The following VAV1 variants were observed in gnomAD, a reference collection of about 807,000 sequenced individuals.
VAV1 encodes vav guanine nucleotide exchange factor 1.
A neutral mutation model predicts 128.1 loss-of-function variants in VAV1; 33 were observed. That is an observed-to-expected ratio of 0.26 (90% CI 0.20 to 0.34). The LOEUF (loss-of-function observed/expected upper bound fraction) is 0.34, where lower values mean the gene tolerates loss of function less well. Among genes scored for constraint, VAV1 ranks in the 10% least tolerant of loss-of-function variants. The pLI is 1.00. For synonymous variants in VAV1, 394 were observed against 409.8 expected (o/e 0.96, Z 0.47); for missense variants, 715 against 1,093.7 (o/e 0.65, Z 4.88).
intron 19 of VAV1, among the ~76,000 whole-genome samples, chr19:6,834,897 G>A (rs544477173): frequency 1.1e-3 from 169 of 151,118 alleles, no homozygotes; most frequent in Non-Finnish European, 1.5e-3. Context: ...TGAGACAAGC[G>A]TGGGCAACAG....
chr19:6,843,844 A>G (rs1169853805), intron 22 of VAV1, among the ~76,000 whole-genome samples: 1 of 151,766 alleles, frequency 6.6e-6, no homozygotes, highest in Non-Finnish European at 1.5e-5. Flanking sequence ...AACATCTCTG[A>G]CATTGAAATA....
At chr19:6,827,763 A>ATTT (rs11390834) in intron 9 of VAV1, among the ~76,000 whole-genome samples, 243 of 145,496 alleles carry the variant, frequency 1.7e-3, no homozygotes, top group Middle Eastern at 3.5e-3. Context: ...CACGCCAGCT[A>ATTT]TTTTTTTTTT....
intron 1 of VAV1, among the ~76,000 whole-genome samples, chr19:6,792,505 G>T (rs528482441): frequency 4.6e-5 from 7 of 152,124 alleles, no homozygotes; most frequent in Admixed American, 1.3e-4. Context: ...GTCTTGGGGA[G>T]TTTGATCAAG....
chr19:6,808,501 T>G (rs976604470), intron 1 of VAV1, among the ~76,000 whole-genome samples: 1 of 152,206 alleles, frequency 6.6e-6, no homozygotes, highest in African/African-American at 2.4e-5. Flanking sequence ...AATCTGAGCT[T>G]AATCAGTCCA....
At chr19:6,786,194 A>G (rs1970888944) in intron 1 of VAV1, among the ~76,000 whole-genome samples, 1 of 142,834 alleles carries the variant, frequency 7.0e-6, no homozygotes, top group Admixed American at 6.8e-5. Context: ...CCTGGCACAT[A>G]GTACGGAATC....
intron 13 of VAV1, 110 bp downstream of exon 13, chr19:6,829,010 A>G (rs1971987596): frequency 1.5e-6 from 2 of 1,316,076 alleles, no homozygotes; most frequent in African/African-American, 1.5e-5. Flanking sequence ...GAGCCTGGGC[A>G]GGGGCGGGGC....
At chr19:6,773,489 C>T (rs1165512914) in intron 1 of VAV1, among the ~76,000 whole-genome samples, 1 of 152,194 alleles carries the variant, frequency 6.6e-6, no homozygotes, top group Non-Finnish European at 1.5e-5. Flanking sequence ...CCCCTTCCTT[C>T]CCCTTACATC....
chr19:6,855,248 A>G (rs773778887), intron 26 of VAV1, among the ~76,000 whole-genome samples: 1 of 152,246 alleles, frequency 6.6e-6, no homozygotes, highest in Non-Finnish European at 1.5e-5. Flanking sequence ...ACAAAAAATG[A>G]TGTGGATAAT....
chr19:6,828,452 AAGG>A lies in VAV1; in HGVS notation c.1060_1062del (p.Glu354del). The A allele has an allele frequency of 6.2e-7, 1 of 1,614,086 alleles. No homozygotes were observed. Reference sequence around the variant, plus strand: ...GAAACACACGCAGGAGGCGATGGAGAAGGAGAACCTGCGGCTGGCCCTGGATGC... The same window carrying A: ...GAAACACACGCAGGAGGCGATGGAGAAGAACCTGCGGCTGGCCCTGGATGC... On this transcript the variant is annotated inframe_deletion, in exon 11 of 27. Coordinates refer to ENST00000602142, the MANE Select transcript of VAV1 (RefSeq NM_005428.4). The surrounding 1 kb of genome is among the most constrained non-coding windows in gnomAD (Gnocchi z 4.5).
At chr19:6,815,141 T>C (rs759533154) in intron 1 of VAV1, among the ~76,000 whole-genome samples, 2 of 152,030 alleles carry the variant, frequency 1.3e-5, no homozygotes, top group South Asian at 2.1e-4. Flanking sequence ...TTGCTTCTTC[T>C]TTTATTTATT....
intron 24 of VAV1, among the ~76,000 whole-genome samples, chr19:6,852,161 G>A (rs1196473475): frequency 6.6e-6 from 1 of 152,140 alleles, no homozygotes; most frequent in East Asian, 1.9e-4. Flanking sequence ...CTACAGGCAT[G>A]CACTGTCATG....
chr19:6,802,083 A>ATC (rs1971286727), intron 1 of VAV1, among the ~76,000 whole-genome samples: 1 of 151,836 alleles, frequency 6.6e-6, no homozygotes, highest in Non-Finnish European at 1.5e-5. Context: ...AGCAAACTAT[A>ATC]GCAAGGACAA....
chr19:6,833,586 T>C lies in VAV1; in HGVS notation c.1669T>C (p.Cys557Arg). The C allele has an allele frequency of 6.2e-7, 1 of 1,613,108 alleles. No homozygotes were observed. Among genetic ancestry groups the C allele is most frequent in the Non-Finnish European group, 8.5e-7 (1 of 1,179,504 alleles). Residue 557 changes from cysteine (C) to arginine (R), a missense_variant, in exon 17 of 27, where the codon TGT (cysteine) becomes CGT (arginine). Physicochemically the swap from Cys to Arg is radical, Grantham distance 180. Coordinates refer to ENST00000602142, the MANE Select transcript of VAV1 (RefSeq NM_005428.4). ...HRCRASAHKECLGRVPPCGRH... is the reference protein window; with the variant it reads ...HRCRASAHKERLGRVPPCGRH... ...GTGCCGGGCATCTGCACACAAGGAG[T>C]GTCTGGGGAGGGTCCCTCCATGTGG...
chr19:6,853,019 G>A lies in VAV1; in HGVS notation c.2272G>A (p.Asp758Asn), dbSNP rs1018053400. 6 of 1,611,920 alleles carry A rather than the reference G, an allele frequency of 3.7e-6. No homozygotes were observed. In the African/African-American group the frequency reaches 8.0e-5, roughly 22 times the overall value. The change falls in exon 25 of 27, where the codon GAC becomes AAC. Residue 758 changes from aspartate to asparagine, a missense_variant. By Grantham distance (23) the Asp-to-Asn change is conservative. Around this residue, in one of 3 missense-constraint regions of VAV1, gnomAD observed 407 missense variants for 580.6 expected, o/e 0.70. Transcript: ENST00000602142. ...NSLKDCFKSL[D>N]TTLQFPFKEP... The stretch of plus-strand genomic sequence containing the variant: ...TCTAAAGGATTGCTTCAAGTCTCTG[G>A]ACACCACCTTGCAGTTCCCCTTCAA...
chr19:6,824,730 C>T (rs1444401581), intron 6 of VAV1, among the ~76,000 whole-genome samples: 2 of 152,010 alleles, frequency 1.3e-5, no homozygotes, highest in African/African-American at 4.8e-5. Context: ...CGGGGTTTCA[C>T]CATCTTGGCC....
At position 6,826,685 on chromosome 19, in the gene VAV1, C is replaced by G; in HGVS notation, c.901C>G (p.Arg301Gly). The G allele has an allele frequency of 6.4e-7, 1 of 1,556,772 alleles. No homozygotes were observed. Among genetic ancestry groups the G allele is most frequent in the South Asian group, 1.2e-5 (1 of 84,738 alleles). Residue 301 changes from arginine (R) to glycine (G), a missense_variant, in exon 9 of 27, where the codon CGG (arginine) becomes GGG (glycine). Physicochemically the swap from Arg to Gly is moderately radical, Grantham distance 125. Coordinates refer to ENST00000602142, the MANE Select transcript of VAV1 (RefSeq NM_005428.4). The surrounding 1 kb of genome is among the most constrained non-coding windows in gnomAD (Gnocchi z 4.1). The stretch of plus-strand genomic sequence containing the variant: ...ACACCTGGACCGTGTGGCCGCAGCC[C>G]GGGAGGACGTGCAGATGAAGCTGGA... ...SKHLDRVAAA[R>G]EDVQMKLEEC...
Position 6,805,583 on chromosome 19 carries a change from T to TACACACACACACACACAC in VAV1, c.205-15105_205-15088dup, listed in dbSNP as rs55732746. On this transcript the variant is annotated intron_variant, in intron 1 of 26. Coordinates refer to ENST00000602142, the MANE Select transcript of VAV1 (RefSeq NM_005428.4). ...ATAGTGAGACCCTCATTTCTACAGA[T>TACACACACACACACACAC]ACACACACACACACACACACACACA... Among the ~76,000 whole-genome samples, 1,063 of 139,066 alleles carry TACACACACACACACACAC rather than the reference T, an allele frequency of 7.6e-3. 9 individuals carry two copies. Among genetic ancestry groups the TACACACACACACACACAC allele is most frequent in the East Asian group, 0.02 (93 of 4,638 alleles). The allele number at this position is 139,066 out of a possible 152,430, so 91.2% of individuals were successfully genotyped here.
chr19:6,849,807 TG>T (rs1389120250), intron 23 of VAV1, among the ~76,000 whole-genome samples: 1 of 152,178 alleles, frequency 6.6e-6, no homozygotes, highest in Non-Finnish European at 1.5e-5. Flanking sequence ...TGTGTGTATA[TG>T]TACCACATTT....
At chr19:6,773,739 G>A (rs1433428167) in intron 1 of VAV1, among the ~76,000 whole-genome samples, 2 of 152,178 alleles carry the variant, frequency 1.3e-5, no homozygotes, top group African/African-American at 2.4e-5. Context: ...GACTGTGGCT[G>A]TATGAGACTG....
Sources: gnomAD v4.1 joint callset for allele counts (sites outside exome capture counted in the v4.1 genomes callset) on GRCh38, gnomAD v4.1.1 for gene constraint, gnomAD v4.1.1 regional missense constraint, Gnocchi (gnomAD v3.1) non-coding constraint, MANE v1.5 for transcripts, NCBI Gene and HGNC (gene_info 2026-07-23, HGNC 2026-07-21) for gene names.